Variants in JAKMIP1 observed in about 807,000 individuals in gnomAD.
JAKMIP1 encodes the protein janus kinase and microtubule-interacting protein 1.
A neutral mutation model predicts 113.0 loss-of-function variants in JAKMIP1; 33 were observed. The ratio of observed to expected loss-of-function variants is 0.29; its 90% CI spans 0.22 to 0.39. The LOEUF (loss-of-function observed/expected upper bound fraction) is 0.39, where lower values mean the gene tolerates loss of function less well. Ranked by LOEUF, JAKMIP1 falls within the 10% of genes least tolerant of loss-of-function variation. The pLI, the probability that JAKMIP1 is intolerant of heterozygous loss-of-function variation, is 1.00. For synonymous variants in JAKMIP1, 480 were observed against 459.9 expected (o/e 1.04, Z -0.56); for missense variants, 813 against 1,080.5 (o/e 0.75, Z 3.47).
Position 6,126,054 on chromosome 4 carries a change from G to T in JAKMIP1, c.-147-13057C>A, listed in dbSNP as rs1035572818. Among the ~76,000 whole-genome samples, 98 of 71,848 alleles carry T rather than the reference G, an allele frequency of 1.4e-3. 1 individual carries two copies. The highest frequency in any genetic ancestry group is 5.5e-3 in the African/African-American group (96 of 17,438). The allele number at this position is 71,848 out of a possible 152,430, so 47.1% of individuals were successfully genotyped here. A position where few individuals can be genotyped will look rare whatever the true frequency, so the allele number is the denominator to read the frequency against. ...TGCAGAAACACACACACACAAACAC[G>T]CACCGTGCAGAAACACACACACAAA... On this transcript the variant is annotated intron_variant, in intron 1 of 20. Coordinates refer to ENST00000409021, the MANE Select transcript of JAKMIP1 (RefSeq NM_001099433.2).
rs1308077602 is a variant in JAKMIP1 at position 6,106,447 on chromosome 4, G to T, written c.130-480C>A. On this transcript the variant is annotated intron_variant, in intron 2 of 20. Transcript: ENST00000409021. The surrounding 1 kb of genome is among the most constrained non-coding windows in gnomAD (Gnocchi z 5.9). ...CTTGTTGAGTGGGGTCCCTAGCTGG[G>T]CTGGGGGCTCCAATGCATCACCCAC... is the stretch of plus-strand genomic sequence containing the variant. Among the ~76,000 whole-genome samples, 2 of 152,180 alleles carry T rather than the reference G, an allele frequency of 1.3e-5. No homozygotes were observed. The highest frequency in any genetic ancestry group is 2.9e-5 in the Non-Finnish European group (2 of 68,032).
rs918798676 is a variant in JAKMIP1 at position 6,199,809 on chromosome 4, C to T, written c.-148+444G>A. Among the ~76,000 whole-genome samples, 24 of 151,376 alleles carry T rather than the reference C, an allele frequency of 1.6e-4. No individual in the cohort carries two copies. The highest frequency in any genetic ancestry group is 3.5e-4 in the Non-Finnish European group (24 of 67,738). ...ATCTGGGGGACTGTGACCTACCCTGCGGAAGACACGGAGGGGACGGGCCGG... is the reference window on the plus strand; with the variant it reads ...ATCTGGGGGACTGTGACCTACCCTGTGGAAGACACGGAGGGGACGGGCCGG... On this transcript the variant is annotated intron_variant, in intron 1 of 20. Coordinates refer to ENST00000409021, the MANE Select transcript of JAKMIP1 (RefSeq NM_001099433.2). The surrounding 1 kb of genome is among the most constrained non-coding windows in gnomAD (Gnocchi z 5.6).
rs1037606425 is a variant in JAKMIP1, at chr4:6,129,437, G to A, written c.-147-16440C>T. On this transcript the variant is annotated intron_variant, in intron 1 of 20. Coordinates refer to ENST00000409021, the MANE Select transcript of JAKMIP1 (RefSeq NM_001099433.2). The surrounding 1 kb of genome is among the most constrained non-coding windows in gnomAD (Gnocchi z 5.4). ...AAAGCCATGAGTGTTTGATCTCTAT[G>A]ATCTACAAGGTTTGAGATCACATTG... 6.6e-6 allele frequency among the ~76,000 whole-genome samples: 1 copy of A among 152,152 alleles called. No homozygotes were observed. The highest frequency in any genetic ancestry group is 1.5e-5 in the Non-Finnish European group (1 of 68,022).
intron 1 of JAKMIP1, among the ~76,000 whole-genome samples, chr4:6,196,871 A>C (rs1278733355): frequency 1.3e-5 from 2 of 151,980 alleles, no homozygotes; most frequent in Admixed American, 6.5e-5. Context: ...AAAAAAAAAA[A>C]AAAACAAAAG....
Position 6,026,866 on chromosome 4 carries a change from ATTTTT to A in JAKMIP1, c.2446-593_2446-589del, listed in dbSNP as rs370379960. Among the ~76,000 whole-genome samples the A allele has an allele frequency of 5.3e-3, 745 of 140,660 alleles. 4 individuals are homozygous for A. Among genetic ancestry groups the A allele is most frequent in the Non-Finnish European group, 5.9e-3 (386 of 65,348 alleles). 92.3% of individuals were successfully genotyped at this position (140,660 alleles called of 152,430 possible). A position where few individuals can be genotyped will look rare whatever the true frequency, so the allele number is the denominator to read the frequency against. The stretch of plus-strand genomic sequence containing the variant: ...TTAAAACATTATGGAATTTCTTTGC[ATTTTT>A]TTTTTTTTTTTTTTTTAGCTCACCA... On this transcript the variant is annotated intron_variant, in intron 20 of 20. Transcript: ENST00000409021.
rs558448613 is a variant in JAKMIP1 at position 6,059,283 on chromosome 4, G to A, written c.1644+1141C>T. ...CATGCATGCTGGTCGCTGGCCGTCCGCCTCCATGGGAACCTCAGTCTCAAC... is the reference window on the plus strand; with the variant it reads ...CATGCATGCTGGTCGCTGGCCGTCCACCTCCATGGGAACCTCAGTCTCAAC... On this transcript the variant is annotated intron_variant, in intron 11 of 20. Transcript: ENST00000409021. The surrounding 1 kb of genome is among the most constrained non-coding windows in gnomAD (Gnocchi z 4.8). Among the ~76,000 whole-genome samples, 7 of 152,148 alleles carry A rather than the reference G, an allele frequency of 4.6e-5. No homozygotes were observed. Among genetic ancestry groups the A allele is most frequent in the Non-Finnish European group, 8.8e-5 (6 of 68,028 alleles).
At chr4:6,169,584 TTACACCAGCCCTAGGAA>T (rs1208230372) in intron 1 of JAKMIP1, among the ~76,000 whole-genome samples, 3 of 129,370 alleles carry the variant, frequency 2.3e-5, no homozygotes, top group Non-Finnish European at 4.7e-5. Context: ...TGGAAATTTG[TTACACCAGCCCTAGGAA>T]ATTGTGTGTG....
rs75750736 is a variant in JAKMIP1, at chr4:6,127,905, A to G, written c.-147-14908T>C. On this transcript the variant is annotated intron_variant, in intron 1 of 20. Transcript: ENST00000409021. ...TCCTCCGGGCACTCGGAAGCCCCCA[A>G]AATGCGTCCACTCCCCTTCCCGCAC... 4.8e-3 allele frequency among the ~76,000 whole-genome samples: 725 copies of G among 152,294 alleles called. 29 individuals are homozygous for G. In the East Asian group the frequency reaches 0.099, roughly 21 times the overall value.
intron 8 of JAKMIP1, among the ~76,000 whole-genome samples, chr4:6,074,069 C>T (rs780315444): frequency 2.6e-5 from 4 of 152,242 alleles, no homozygotes; most frequent in Non-Finnish European, 4.4e-5. Flanking sequence ...CGTGAGCCCA[C>T]GCTGAACCAG....
At chr4:6,052,220 TAA>T (rs11341023) in intron 13 of JAKMIP1, among the ~76,000 whole-genome samples, 8 of 147,818 alleles carry the variant, frequency 5.4e-5, no homozygotes, top group African/African-American at 2.0e-4. Flanking sequence ...AAAAATAAAA[TAA>T]AAAAAAAACA....
At chr4:6,147,995 T>C (rs375377301) in intron 1 of JAKMIP1, among the ~76,000 whole-genome samples, 6 of 152,372 alleles carry the variant, frequency 3.9e-5, no homozygotes, top group Admixed American at 2.0e-4. Flanking sequence ...TCACATTCTC[T>C]GAATTTTCAT....
chr4:6,054,356 A>T (rs1234480340), intron 12 of JAKMIP1, among the ~76,000 whole-genome samples: 1 of 152,190 alleles, frequency 6.6e-6, no homozygotes, highest in East Asian at 1.9e-4. Context: ...AAGGAGACAG[A>T]GGCTGGGCCA....
intron 8 of JAKMIP1, among the ~76,000 whole-genome samples, chr4:6,071,657 C>T (rs2108804144): frequency 6.6e-6 from 1 of 152,378 alleles, no homozygotes; most frequent in Admixed American, 6.5e-5. Context: ...CCCAGTCGGC[C>T]TCTGTGGCCA....
At position 6,093,551 on chromosome 4, in the gene JAKMIP1, C is replaced by G. The variant is rs149431432; in HGVS notation, c.625-7922G>C. On this transcript the variant is annotated intron_variant, in intron 3 of 20. Coordinates refer to ENST00000409021, the MANE Select transcript of JAKMIP1 (RefSeq NM_001099433.2). The surrounding 1 kb of genome is among the most constrained non-coding windows in gnomAD (Gnocchi z 4.6). ...GCTGCTTCCAAGGCTGATAACCAAC[C>G]CAACGAGATGTCCCAAAAAGACAGC... Among the ~76,000 whole-genome samples, 184 of 152,152 alleles carry G rather than the reference C, an allele frequency of 1.2e-3. No individual in the cohort carries two copies. Among genetic ancestry groups the G allele is most frequent in the East Asian group, 9.9e-3 (51 of 5,170 alleles).
rs146710875 is a variant in JAKMIP1 at position 6,191,913 on chromosome 4, T to TTTTATTTATTTATTA, written c.-148+8339_-148+8340insTAATAAATAAATAAA. Reference sequence around the variant, plus strand: ...ATACGTCTTCAAGCCCAGGAGTGCATTTTATTTATTTATTTATTTATTTAT... The same window carrying TTTTATTTATTTATTA: ...ATACGTCTTCAAGCCCAGGAGTGCATTTTATTTATTTATTATTTATTTATTTATTTATTTATTTAT... On this transcript the variant is annotated intron_variant, in intron 1 of 20. Transcript: ENST00000409021. 1.6e-3 allele frequency among the ~76,000 whole-genome samples: 225 copies of TTTTATTTATTTATTA among 141,110 alleles called. 7 individuals are homozygous for TTTTATTTATTTATTA. The East Asian group carries it at 0.036, about 23-fold the overall frequency. The allele number at this position is 141,110 out of a possible 152,430, so 92.6% of individuals were successfully genotyped here.
At chr4:6,111,761 A>G (rs1181906978) in intron 2 of JAKMIP1, among the ~76,000 whole-genome samples, 1 of 152,164 alleles carries the variant, frequency 6.6e-6, no homozygotes, top group Non-Finnish European at 1.5e-5. Flanking sequence ...CCAGCTCCAA[A>G]GCTCAAATCT....
intron 19 of JAKMIP1, among the ~76,000 whole-genome samples, chr4:6,035,626 G>A (rs1410068346): frequency 1.3e-5 from 2 of 152,242 alleles, no homozygotes; most frequent in Non-Finnish European, 2.9e-5. Flanking sequence ...TGGAAACAGC[G>A]TGCAGATGCT....
Position 6,085,573 on chromosome 4 carries a change from G to T in JAKMIP1, c.681C>A (p.Gly227=), listed in dbSNP as rs200104729. 2 of 1,614,070 alleles carry T rather than the reference G, an allele frequency of 1.2e-6. No individual in the cohort carries two copies. The highest frequency in any genetic ancestry group is 8.5e-7 in the Non-Finnish European group (1 of 1,180,054). The stretch of plus-strand genomic sequence containing the variant: ...GCTTCTGGGTCTGCCCAGCCTGCAC[G>T]CCAAGTTCCTTCTCCAAGGCCAGAA... ...RVILALEKEL[G]VQAGQTQKLL... Residue 227 remains glycine, a synonymous_variant, in exon 4 of 21, where the codon GGC becomes GGA. Transcript: ENST00000409021.
chr4:6,116,931 C>T lies in JAKMIP1; in HGVS notation c.-147-3934G>A, dbSNP rs1432520008. 6.6e-6 allele frequency among the ~76,000 whole-genome samples: 1 copy of T among 152,208 alleles called. No individual in the cohort carries two copies. Among genetic ancestry groups the T allele is most frequent in the East Asian group, 1.9e-4 (1 of 5,202 alleles). The stretch of plus-strand genomic sequence containing the variant: ...TGCCAGACCACGTGGGGGTTCTACA[C>T]CAAGCACAGAGTCAAGACCAGCTAT... On this transcript the variant is annotated intron_variant, in intron 1 of 20. Transcript: ENST00000409021. This position sits in a 1 kb window ranked among gnomAD's most constrained non-coding sequence, Gnocchi z 5.1.
Sources: gnomAD v4.1 joint callset for allele counts (sites outside exome capture counted in the v4.1 genomes callset) on GRCh38, gnomAD v4.1.1 for gene constraint, Gnocchi (gnomAD v3.1) non-coding constraint, MANE v1.5 for transcripts, NCBI Gene and HGNC (gene_info 2026-07-23, HGNC 2026-07-21) for gene names.